PRKCG: variants seen among roughly 807,000 people sequenced by gnomAD.
The protein encoded by PRKCG is protein kinase C gamma type.
A neutral mutation model predicts 82.0 loss-of-function variants in PRKCG; 28 were observed. The ratio of observed to expected loss-of-function variants is 0.34; its 90% CI spans 0.25 to 0.47. The LOEUF is 0.47. PRKCG is among the 20% of genes least tolerant of loss of function. PRKCG has a pLI of 1.00. For missense variants in PRKCG, 640 were observed against 952.7 expected (o/e 0.67, Z 4.32); for synonymous variants, 383 against 376.6 (o/e 1.02, Z -0.20).
chr19:53,882,114 T>A (rs972175497), upstream of PRKCG: 54 of 292,618 alleles, frequency 1.8e-4, 1 homozygote, highest in East Asian at 4.5e-3. The surrounding 1 kb of genome is among the most constrained non-coding windows in gnomAD (Gnocchi z 6.1). Flanking sequence ...ATTTGTCCCG[T>A]GTCTCCGGGA....
intron 8 of PRKCG, 73 bp downstream of exon 8, chr19:53,893,148 C>A: frequency 7.1e-7 from 1 of 1,417,226 alleles, no homozygotes; most frequent in Non-Finnish European, 9.9e-7. Flanking sequence ...TTTCCTTCCA[C>A]CCCTGAGTGC....
rs374663268 is a variant in PRKCG at position 53,882,653 on chromosome 19, C to T, written c.159C>T (p.Thr53=). 1 of 1,612,462 alleles carries T rather than the reference C, an allele frequency of 6.2e-7. No homozygotes were observed. Among genetic ancestry groups the T allele is most frequent in the Non-Finnish European group, 8.5e-7 (1 of 1,179,912 alleles). Residue 53 remains threonine (T), a synonymous_variant, in exon 1 of 18, where the codon ACC becomes ACT. Coordinates refer to ENST00000263431, the MANE Select transcript of PRKCG (RefSeq NM_002739.5). This position sits in a 1 kb window ranked among gnomAD's most constrained non-coding sequence, Gnocchi z 6.1. ...AGCCCACCTTCTGCAGCCACTGCAC[C>T]GACTTCATCTGGTGAGGGAAGGGGG... The part of the protein sequence containing the change: ...FKQPTFCSHC[T]DFIWGIGKQG...
At chr19:53,897,091 G>A (rs1234779486) in intron 9 of PRKCG, among the ~76,000 whole-genome samples, 1 of 152,276 alleles carries the variant, frequency 6.6e-6, no homozygotes, top group East Asian at 1.9e-4. Context: ...AGGGTGGCTG[G>A]ACCATGGAGC....
At chr19:53,899,787 A>AC (rs2068749107) in intron 11 of PRKCG, among the ~76,000 whole-genome samples, 1 of 152,230 alleles carries the variant, frequency 6.6e-6, no homozygotes, top group African/African-American at 2.4e-5. Flanking sequence ...GGGTTTCGCC[A>AC]CGTTGGCCAG....
chr19:53,893,269 C>T, intron 8 of PRKCG, 93 bp from the exon 9 acceptor site: 3 of 1,431,046 alleles, frequency 2.1e-6, no homozygotes, highest in Non-Finnish European at 3.0e-6. Flanking sequence ...TATCTATCGC[C>T]ATGGCTTGAG....
chr19:53,903,184 C>T (rs1340054188), intron 15 of PRKCG, 31 bp downstream of exon 15: 1 of 1,574,090 alleles, frequency 6.4e-7, no homozygotes, highest in Non-Finnish European at 8.7e-7. Flanking sequence ...GCTGGCTTGG[C>T]TAAAAGAGAC....
In PRKCG at chr19:53,892,754, A is replaced by G. The variant is rs45509194; in HGVS notation, c.821+111A>G. 21,469 of 172,788 alleles carry G rather than the reference A, an allele frequency of 0.12. 361 individuals are homozygous for G. Among genetic ancestry groups the G allele is most frequent in the South Asian group, 0.16 (862 of 5,434 alleles). 10.7% of individuals were successfully genotyped at this position (172,788 alleles called of 1,614,324 possible). A position where few individuals can be genotyped will look rare whatever the true frequency, so the allele number is the denominator to read the frequency against. On this transcript the variant is annotated intron_variant, in intron 7 of 17. Coordinates refer to ENST00000263431, the MANE Select transcript of PRKCG (RefSeq NM_002739.5). This position sits in a 1 kb window ranked among gnomAD's most constrained non-coding sequence, Gnocchi z 5.9. ...CTTCCCTCTGCCTCCCAGCATGCGCACACACACACACACACACACACACAC... is the reference window on the plus strand; with the variant it reads ...CTTCCCTCTGCCTCCCAGCATGCGCGCACACACACACACACACACACACAC...
At chr19:53,902,239 C>A (rs992533890) in intron 14 of PRKCG, among the ~76,000 whole-genome samples, 1 of 151,986 alleles carries the variant, frequency 6.6e-6, no homozygotes, top group African/African-American at 2.4e-5. Context: ...CATGGTGAAA[C>A]CCCGTCTCTA....
In PRKCG at chr19:53,892,724, C is replaced by G; in HGVS notation, c.821+81C>G. The G allele has an allele frequency of 6.6e-7, 1 of 1,526,572 alleles. No homozygotes were observed. 94.6% of individuals were successfully genotyped at this position (1,526,572 alleles called of 1,614,324 possible). On this transcript the variant is annotated intron_variant, in intron 7 of 17. Transcript: ENST00000263431. The surrounding 1 kb of genome is among the most constrained non-coding windows in gnomAD (Gnocchi z 5.9). ...TGTGTGGTCTCTCTCCTCCAGGCCA[C>G]TGTCCTTCCCTCTGCCTCCCAGCAT...
rs1365032846 is a variant in PRKCG, at chr19:53,892,125, A to C, written c.686+295A>C. On this transcript the variant is annotated intron_variant, in intron 6 of 17. Coordinates refer to ENST00000263431, the MANE Select transcript of PRKCG (RefSeq NM_002739.5). This position sits in a 1 kb window ranked among gnomAD's most constrained non-coding sequence, Gnocchi z 5.9. Reference sequence around the variant, plus strand: ...TCAGAAGAGGCAGAAACCCAAAGAGAGACACAGATGGAGAGGGAGGGGAGA... The same window carrying C: ...TCAGAAGAGGCAGAAACCCAAAGAGCGACACAGATGGAGAGGGAGGGGAGA... Among the ~76,000 whole-genome samples, 1 of 152,094 alleles carries C rather than the reference A, an allele frequency of 6.6e-6. No individual in the cohort carries two copies. Among genetic ancestry groups the C allele is most frequent in the Admixed American group, 6.6e-5 (1 of 15,258 alleles).
At chr19:53,894,679 C>G (rs1025337627) in intron 9 of PRKCG, among the ~76,000 whole-genome samples, 2 of 151,976 alleles carry the variant, frequency 1.3e-5, no homozygotes, top group African/African-American at 4.8e-5. Context: ...AGGCTGGTCT[C>G]GAACTCCTGA....
intron 9 of PRKCG, among the ~76,000 whole-genome samples, chr19:53,894,567 C>T (rs2068704443): frequency 1.3e-5 from 2 of 151,834 alleles, no homozygotes; most frequent in South Asian, 4.2e-4. Flanking sequence ...TCAAGTGATT[C>T]TCCTGCCTCA....
At chr19:53,881,391 G>A (rs1431147674), upstream of PRKCG, among the ~76,000 whole-genome samples, 2 of 151,900 alleles carry the variant, frequency 1.3e-5, no homozygotes, top group Admixed American at 1.3e-4. Context: ...GTTGCAGAGG[G>A]AGGGGGAGAC....
In PRKCG at chr19:53,883,250, C is replaced by A; in HGVS notation, c.202+56C>A. 1 of 1,605,142 alleles carries A rather than the reference C, an allele frequency of 6.2e-7. No individual in the cohort carries two copies. The highest frequency in any genetic ancestry group is 2.2e-5 in the East Asian group (1 of 44,790). On this transcript the variant is annotated intron_variant, in intron 2 of 17. Coordinates refer to ENST00000263431, the MANE Select transcript of PRKCG (RefSeq NM_002739.5). The surrounding 1 kb of genome is among the most constrained non-coding windows in gnomAD (Gnocchi z 5.4). ...CCTCAGGAGGGTGGAGGCTGGGGCC[C>A]CACAGCTGAGGCTGCTTGACACACG...
At position 53,900,755 on chromosome 19, in the gene PRKCG, C is replaced by T; in HGVS notation, c.1575+6C>T. 1 of 1,614,132 alleles carries T rather than the reference C, an allele frequency of 6.2e-7. No homozygotes were observed. The highest frequency in any genetic ancestry group is 8.5e-7 in the Non-Finnish European group (1 of 1,180,044). ...CGGACTACATAGCCCCGGAGGTAAC[C>T]CCAACCCTGCTGCTCTGGTCACGCT... is the stretch of plus-strand genomic sequence containing the variant. On this transcript the variant is annotated splice_donor_region_variant and intron_variant, in intron 14 of 17. Coordinates refer to ENST00000263431, the MANE Select transcript of PRKCG (RefSeq NM_002739.5). The surrounding 1 kb of genome is among the most constrained non-coding windows in gnomAD (Gnocchi z 4.2).
chr19:53,906,046 C>T (rs1008020082), intron 16 of PRKCG, among the ~76,000 whole-genome samples: 1 of 44,312 alleles, frequency 2.3e-5, no homozygotes, highest in Non-Finnish European at 3.8e-5. Context: ...CTCCTCCCTC[C>T]TCCTCCTCCT....
In PRKCG at chr19:53,906,950, G is replaced by GC. The variant is rs144706041; in HGVS notation, c.*59dup. On this transcript the variant is annotated 3_prime_UTR_variant, in exon 18 of 18. Coordinates refer to ENST00000263431, the MANE Select transcript of PRKCG (RefSeq NM_002739.5). ...CGTCCCCTCCGCCGTGCCGGCGGCA[G>GC]CCCCACTTCACCCCCAACTTCACCA... is the stretch of plus-strand genomic sequence containing the variant. 6,769 of 1,608,718 alleles carry GC rather than the reference G, an allele frequency of 4.2e-3. 255 individuals carry two copies. In the African/African-American group the frequency reaches 0.079, roughly 19 times the overall value.
Position 53,900,186 on chromosome 19 carries a change from C to A in PRKCG, c.1282-47C>A. The A allele has an allele frequency of 1.9e-6, 3 of 1,547,840 alleles. No individual in the cohort carries two copies. Among genetic ancestry groups the A allele is most frequent in the Non-Finnish European group, 1.8e-6 (2 of 1,119,672 alleles). ...AGTGATCAGGAAAGAAATTCTCCTA[C>A]TCTGGGTAGATGGATCCCGCCTCTA... On this transcript the variant is annotated intron_variant, in intron 11 of 17. Coordinates refer to ENST00000263431, the MANE Select transcript of PRKCG (RefSeq NM_002739.5). The surrounding 1 kb of genome is among the most constrained non-coding windows in gnomAD (Gnocchi z 4.2).
In PRKCG at chr19:53,900,697, C is replaced by T; in HGVS notation, c.1523C>T (p.Pro508Leu). 4 of 1,614,238 alleles carry T rather than the reference C, an allele frequency of 2.5e-6. No individual in the cohort carries two copies. The highest frequency in any genetic ancestry group is 3.4e-6 in the Non-Finnish European group (4 of 1,180,050). The part of the protein sequence containing the change: ...DFGMCKENVF[P>L]GTTTRTFCGT... The stretch of plus-strand genomic sequence containing the variant: ...GGCATGTGTAAGGAGAACGTCTTCC[C>T]CGGGACGACAACCCGCACCTTCTGC... Residue 508 changes from proline (P) to leucine (L), a missense_variant, in exon 14 of 18, where the codon CCC becomes CTC. By Grantham distance (98) the Pro-to-Leu change is moderately conservative. Around this residue, in one of 7 missense-constraint regions of PRKCG, gnomAD observed 198 missense variants for 273.4 expected, o/e 0.72. Transcript: ENST00000263431. The surrounding 1 kb of genome is among the most constrained non-coding windows in gnomAD (Gnocchi z 4.2).
Sources: gnomAD v4.1 joint callset for allele counts (sites outside exome capture counted in the v4.1 genomes callset) on GRCh38, gnomAD v4.1.1 for gene constraint, gnomAD v4.1.1 regional missense constraint, Gnocchi (gnomAD v3.1) non-coding constraint, MANE v1.5 for transcripts, NCBI Gene and HGNC (gene_info 2026-07-23, HGNC 2026-07-21) for gene names.